NCR1: variants seen among roughly 807,000 people sequenced by gnomAD.
NCR1 encodes the protein natural cytotoxicity triggering receptor 1.
NCR1 carries 30 observed loss-of-function variants against 32.5 expected under a neutral mutation model. The ratio of observed to expected loss-of-function variants is 0.92; its 90% CI spans 0.69 to 1.25. The LOEUF (loss-of-function observed/expected upper bound fraction) is 1.25. NCR1 is among the 50% of genes most tolerant of loss of function. The pLI is 0.00. For missense variants in NCR1, 369 were observed against 380.7 expected (o/e 0.97, Z 0.26); for synonymous variants, 169 against 143.4 (o/e 1.18, Z -1.28).
the NCR1 span, chr19:54,930,465 AAAAG>A: frequency 5.8e-5 from 87 of 1,507,678 alleles, no homozygotes; most frequent in African/African-American, 4.9e-4. Flanking sequence ...CTGTCTCAAA[AAAAG>A]AAAGAAAGAA....
At chr19:54,919,714 ACC>A (rs58529355), downstream of NCR1, among the ~76,000 whole-genome samples, 1 of 99,990 alleles carries the variant, frequency 1.0e-5, no homozygotes, top group Non-Finnish European at 2.0e-5. Context: ...GGAAAGGGAG[ACC>A]CCCCCCCCCA....
chr19:54,906,866 C>A, intron 3 of NCR1, 59 bp downstream of exon 3: 1 of 1,567,410 alleles, frequency 6.4e-7, no homozygotes. Flanking sequence ...GATGCAGCAT[C>A]ATCTATGAAC....
At chr19:54,913,865 C>T (rs2068076727), downstream of NCR1, among the ~76,000 whole-genome samples, 3 of 151,986 alleles carry the variant, frequency 2.0e-5, no homozygotes, top group Admixed American at 1.3e-4. Context: ...GTCAGGAGTT[C>T]GAGAGCAGCC....
chr19:54,934,024 A>G, the NCR1 span, among the ~76,000 whole-genome samples: 1,308 of 152,236 alleles, frequency 8.6e-3, 20 homozygotes, highest in African/African-American at 0.029. The surrounding 1 kb of genome is among the most constrained non-coding windows in gnomAD (Gnocchi z 6.7). Context: ...TTCACTGCCA[A>G]TCGCCGCCTC....
At chr19:54,923,983 TG>T in the NCR1 span, 3 of 1,217,970 alleles carry the variant, frequency 2.5e-6, no homozygotes, top group African/African-American at 3.0e-5. Context: ...TGGGATTTTC[TG>T]GGGGACAGGG....
At chr19:54,906,107 C>T, upstream of NCR1, 4 of 1,580,068 alleles carry the variant, frequency 2.5e-6, no homozygotes, top group Non-Finnish European at 2.6e-6. Flanking sequence ...GGTGCTCACC[C>T]ACCACTTCCT....
chr19:54,898,684 G>C, the NCR1 span, among the ~76,000 whole-genome samples: 8 of 152,092 alleles, frequency 5.3e-5, no homozygotes, highest in Non-Finnish European at 1.2e-4. Flanking sequence ...AGCGTCTCAG[G>C]GTTGCTGCCA....
chr19:54,900,333 T>C, the NCR1 span, among the ~76,000 whole-genome samples: 1 of 151,916 alleles, frequency 6.6e-6, no homozygotes, highest in African/African-American at 2.4e-5. Context: ...TTTGGGTAGG[T>C]AAAGGAAAAT....
At chr19:54,909,549 C>G in intron 4 of NCR1, 26 bp downstream of exon 4, 1 of 1,587,068 alleles carries the variant, frequency 6.3e-7, no homozygotes, top group South Asian at 1.1e-5. Context: ...ATTCCCCACA[C>G]CCTTCGCCGC....
At chr19:54,931,452 G>C in the NCR1 span, among the ~76,000 whole-genome samples, 1 of 152,108 alleles carries the variant, frequency 6.6e-6, no homozygotes, top group African/African-American at 2.4e-5. Flanking sequence ...CACTTTGGGA[G>C]GCTGAGGCAG....
At chr19:54,934,885 C>T in the NCR1 span, among the ~76,000 whole-genome samples, 49 of 152,178 alleles carry the variant, frequency 3.2e-4, no homozygotes, top group South Asian at 1.5e-3. This position sits in a 1 kb window ranked among gnomAD's most constrained non-coding sequence, Gnocchi z 6.7. Context: ...TTAGTAGAGA[C>T]GGGATTTCAC....
downstream of NCR1, among the ~76,000 whole-genome samples, chr19:54,919,054 A>C (rs2068188722): frequency 6.6e-6 from 1 of 152,064 alleles, no homozygotes; most frequent in African/African-American, 2.4e-5. Context: ...GCTCCATCCA[A>C]ATTGCTGGAA....
chr19:54,921,382 C>G, the NCR1 span, among the ~76,000 whole-genome samples: 12 of 152,144 alleles, frequency 7.9e-5, no homozygotes, highest in African/African-American at 2.4e-4. Flanking sequence ...CAAGGGCTCA[C>G]GAAAGACAGC....
chr19:54,903,601 T>C (rs1602014044), upstream of NCR1, among the ~76,000 whole-genome samples: 2 of 149,428 alleles, frequency 1.3e-5, no homozygotes, highest in South Asian at 2.1e-4. Flanking sequence ...TATGTGTATA[T>C]ATGCATGTGT....
the NCR1 span, among the ~76,000 whole-genome samples, chr19:54,925,037 C>T: frequency 9.2e-5 from 14 of 152,266 alleles, no homozygotes; most frequent in African/African-American, 3.4e-4. Flanking sequence ...TTGGCTCTAA[C>T]GTGGCTGCAG....
chr19:54,903,527 CAT>C (rs142981957), upstream of NCR1, among the ~76,000 whole-genome samples: 17,161 of 126,770 alleles, frequency 0.14, 1,639 homozygotes, highest in Non-Finnish European at 0.15. Context: ...TGTGTGTATA[CAT>C]ATATATGCAT....
At chr19:54,937,957 A>G in the NCR1 span, 1 of 1,001,710 alleles carries the variant, frequency 1.0e-6, no homozygotes, top group Non-Finnish European at 1.6e-6. Flanking sequence ...TGGAGATGAA[A>G]CAGCACATTT....
the NCR1 span, chr19:54,934,641 G>A: frequency 1.4e-5 from 23 of 1,613,506 alleles, no homozygotes; most frequent in Middle Eastern, 1.7e-4. This position sits in a 1 kb window ranked among gnomAD's most constrained non-coding sequence, Gnocchi z 6.7. Flanking sequence ...GCTCCGGGGT[G>A]GCACAGTGAC....
downstream of NCR1, among the ~76,000 whole-genome samples, chr19:54,916,475 C>T (rs141933094): frequency 7.5e-3 from 1,122 of 150,570 alleles, 13 homozygotes; most frequent in African/African-American, 0.026. Flanking sequence ...CGTGCCACCA[C>T]GCCCGGCTAA....
Sources: gnomAD v4.1 joint callset for allele counts (sites outside exome capture counted in the v4.1 genomes callset) on GRCh38, gnomAD v4.1.1 for gene constraint, Gnocchi (gnomAD v3.1) non-coding constraint, MANE v1.5 for transcripts, NCBI Gene and HGNC (gene_info 2026-07-23, HGNC 2026-07-21) for gene names.